The following POTEG variants were observed in gnomAD, a reference collection of about 807,000 sequenced individuals.
POTEG encodes the protein POTE ankyrin domain family member G, also known as ANKRD26-like family C member 2.
A neutral mutation model predicts 49.6 loss-of-function variants in POTEG; 2 were observed. The ratio of observed to expected loss-of-function variants is 0.04; its 90% CI spans 0.02 to 0.13. The LOEUF (loss-of-function observed/expected upper bound fraction) is 0.13. Among genes scored for constraint, POTEG ranks in the 10% least tolerant of loss-of-function variants. The pLI is 1.00. For missense variants in POTEG, 26 were observed against 545.2 expected (o/e 0.05, Z 9.48); for synonymous variants, 7 against 186.6 (o/e 0.04, Z 7.84).
chr14:19,432,364 TTGTATATATATATATATATA>T (rs1884167201), intron 1 of POTEG, among the ~76,000 whole-genome samples: 2 of 42,952 alleles, frequency 4.7e-5, no homozygotes, highest in Non-Finnish European at 8.6e-5. Flanking sequence ...AAAAGAAATT[TTGTATATATATATATATATA>T]TATATATATA....
In POTEG at chr14:19,430,441, ATAC is replaced by A. The variant is rs1221426242; in HGVS notation, c.522-1455_522-1453del. Among the ~76,000 whole-genome samples, 13 of 85,578 alleles carry A rather than the reference ATAC, an allele frequency of 1.5e-4. No homozygotes were observed. In the East Asian group the frequency reaches 3.4e-3, roughly 22 times the overall value. The allele number at this position is 85,578 out of a possible 152,430, so 56.1% of individuals were successfully genotyped here. The stretch of plus-strand genomic sequence containing the variant: ...CTAAAACAGTCTTTATCCAAGACTT[ATAC>A]ATTTTCAAAAGGGCAGTTAAGGGTT... On this transcript the variant is annotated intron_variant, in intron 1 of 10. Coordinates refer to ENST00000547848, the MANE Select transcript of POTEG (RefSeq NM_001005356.3).
chr14:19,414,855 A>G (rs1162904956), intron 7 of POTEG, among the ~76,000 whole-genome samples: 1 of 135,196 alleles, frequency 7.4e-6, no homozygotes, highest in Admixed American at 7.4e-5. Context: ...ACCTTAGCCA[A>G]AGGGAGAAGA....
At chr14:19,419,827 C>A (rs1883681603) in intron 6 of POTEG, among the ~76,000 whole-genome samples, 1 of 117,074 alleles carries the variant, frequency 8.5e-6, no homozygotes, top group Non-Finnish European at 1.7e-5. Flanking sequence ...ACAAACAAAA[C>A]AACTCTGGTT....
At chr14:19,432,403 T>TATATACACAC (rs1330765784) in intron 1 of POTEG, among the ~76,000 whole-genome samples, 80 of 44,672 alleles carry the variant, frequency 1.8e-3, no homozygotes, top group South Asian at 3.0e-3. Context: ...TATATATATA[T>TATATACACAC]ACACACACAT....
chr14:19,432,646 ACAAAACGTCAC>A (rs1884209826), intron 1 of POTEG, among the ~76,000 whole-genome samples: 1 of 73,964 alleles, frequency 1.4e-5, no homozygotes, highest in African/African-American at 5.9e-5. Flanking sequence ...TTTAAATAAT[ACAAAACGTCAC>A]CATTATCAAG....
intron 6 of POTEG, among the ~76,000 whole-genome samples, chr14:19,419,903 C>A (rs1883686039): frequency 7.1e-6 from 1 of 141,120 alleles, no homozygotes. Flanking sequence ...GTAAACTTCC[C>A]ATGGCCCATG....
chr14:19,425,431 G>A (rs1266295229), intron 4 of POTEG, among the ~76,000 whole-genome samples, 175 bp downstream of exon 4: 12 of 57,686 alleles, frequency 2.1e-4, no homozygotes, highest in African/African-American at 4.6e-4. Flanking sequence ...AATAAAAGAT[G>A]AATCCTACTA....
intron 5 of POTEG, chr14:19,423,591 A>G (rs1883825456): frequency 6.3e-6 from 1 of 159,328 alleles, no homozygotes; most frequent in African/African-American, 2.4e-5. Context: ...GACTTGAGGG[A>G]CCTGAATCTA....
Position 19,416,216 on chromosome 14 carries a change from A to G in POTEG, c.1197+72T>C, listed in dbSNP as rs539691789. The stretch of plus-strand genomic sequence containing the variant: ...AAGGTAATTTCATTTGGACTATCTA[A>G]TATTATTAAAGCAAAAAAAAAAAAA... On this transcript the variant is annotated intron_variant, in intron 7 of 10. Coordinates refer to ENST00000547848, the MANE Select transcript of POTEG (RefSeq NM_001005356.3). The G allele has an allele frequency of 7.7e-6, 12 of 1,549,156 alleles. No individual in the cohort carries two copies. In the East Asian group the frequency reaches 2.1e-4, roughly 28 times the overall value.
chr14:19,415,379 G>T (rs1883513313), intron 7 of POTEG, among the ~76,000 whole-genome samples: 1 of 144,646 alleles, frequency 6.9e-6, no homozygotes, highest in Non-Finnish European at 1.6e-5. Context: ...TTTTTGACCT[G>T]GTTCCCTCCC....
At chr14:19,414,419 T>C (rs1883465794) in intron 8 of POTEG, 143 bp downstream of exon 8, 1 of 695,134 alleles carries the variant, frequency 1.4e-6, no homozygotes, top group Admixed American at 3.0e-5. Context: ...ATGTATAGAA[T>C]TCTGAGTTAA....
chr14:19,415,829 A>T (rs61348522), intron 7 of POTEG, among the ~76,000 whole-genome samples: 1,394 of 96,844 alleles, frequency 0.014, 12 homozygotes, highest in African/African-American at 0.041. Context: ...ATCTATTAAA[A>T]TTTTTTTTTT....
chr14:19,416,022 T>G (rs1883551175), intron 7 of POTEG, among the ~76,000 whole-genome samples: 1 of 147,286 alleles, frequency 6.8e-6, no homozygotes, highest in Admixed American at 6.7e-5. Flanking sequence ...GATTTTGTAT[T>G]TTTAGTAGAG....
At chr14:19,414,852 C>A (rs1442870951) in intron 7 of POTEG, among the ~76,000 whole-genome samples, 1 of 135,516 alleles carries the variant, frequency 7.4e-6, no homozygotes, top group East Asian at 2.1e-4. Flanking sequence ...TTCACCTTAG[C>A]CAAAGGGAGA....
At chr14:19,416,038 G>T (rs1163713240) in intron 7 of POTEG, among the ~76,000 whole-genome samples, 2 of 146,468 alleles carry the variant, frequency 1.4e-5, no homozygotes, top group African/African-American at 4.9e-5. Context: ...TAGAGACGGG[G>T]TTTCATCATC....
intron 3 of POTEG, among the ~76,000 whole-genome samples, chr14:19,426,382 C>T (rs1452400513): frequency 2.5e-4 from 38 of 149,642 alleles, no homozygotes; most frequent in African/African-American, 9.3e-4. Context: ...TGCCAAAGCT[C>T]TACATACTTA....
intron 1 of POTEG, among the ~76,000 whole-genome samples, chr14:19,433,078 C>T (rs1237162105): frequency 7.4e-6 from 1 of 135,984 alleles, no homozygotes; most frequent in African/African-American, 2.9e-5. Context: ...GTGCCTGCCA[C>T]CGCGTCCAGC....
At chr14:19,415,159 T>A (rs1207308190) in intron 7 of POTEG, among the ~76,000 whole-genome samples, 2 of 144,656 alleles carry the variant, frequency 1.4e-5, no homozygotes, top group Non-Finnish European at 3.1e-5. Flanking sequence ...TGAAATTATA[T>A]ACTGTAATAT....
chr14:19,433,381 G>T (rs1388192663), intron 1 of POTEG, among the ~76,000 whole-genome samples: 1 of 100,708 alleles, frequency 9.9e-6, no homozygotes, highest in Non-Finnish European at 2.0e-5. Context: ...GATTTTATTT[G>T]AAGAATATTT....
Sources: allele counts gnomAD v4.1 joint callset (sites outside exome capture counted in the v4.1 genomes callset), GRCh38; gene constraint gnomAD v4.1.1; transcripts MANE v1.5; gene names NCBI Gene and HGNC (gene_info 2026-07-23, HGNC 2026-07-21).